The following CNTNAP2 variants were observed in gnomAD, a reference collection of about 807,000 sequenced individuals.
CNTNAP2 encodes the protein contactin associated protein 2, also known as contactin-associated protein-like 2.
In CNTNAP2, 98 loss-of-function variants were observed where a neutral mutation model predicts 155.2. That is an observed-to-expected ratio of 0.63 (90% CI 0.54 to 0.75). The LOEUF (loss-of-function observed/expected upper bound fraction) is 0.75, where lower values mean the gene tolerates loss of function less well. Ranked by LOEUF, CNTNAP2 falls within the 30% of genes least tolerant of loss-of-function variation. The pLI, the probability that CNTNAP2 is intolerant of heterozygous loss-of-function variation, is 0.00. For synonymous variants in CNTNAP2, 651 were observed against 631.2 expected, an observed-to-expected ratio of 1.03 and a Z score of -0.47; for missense variants, 1,727 against 1,688.1, an observed-to-expected ratio of 1.02 and a Z score of -0.40.
chr7:146,997,870 T>C (rs1343100234), intron 3 of CNTNAP2, among the ~76,000 whole-genome samples: 1 of 152,118 alleles, frequency 6.6e-6, no homozygotes, highest in East Asian at 1.9e-4. Context: ...TACTATTTTG[T>C]ATACCTATGG....
At chr7:147,452,798 G>A (rs1563209483) in intron 10 of CNTNAP2, among the ~76,000 whole-genome samples, 4 of 152,086 alleles carry the variant, frequency 2.6e-5, no homozygotes, top group African/African-American at 7.2e-5. Context: ...TGCAAGAAAT[G>A]TTACAGAATG....
At position 147,525,479 on chromosome 7, in the gene CNTNAP2, C is replaced by T. The variant is rs534347901; in HGVS notation, c.1778-36659C>T. On this transcript the variant is annotated intron_variant, in intron 11 of 23. Transcript: ENST00000361727. ...CATATTCTAAGTGGATAAAATGTCA[C>T]ATGTGAAAGAAGTGAGATACCAGAT... is the stretch of plus-strand genomic sequence containing the variant. Among the ~76,000 whole-genome samples the T allele has an allele frequency of 7.2e-5, 11 of 152,266 alleles. No individual in the cohort carries two copies. In the East Asian group the frequency reaches 1.5e-3, roughly 21 times the overall value.
intron 1 of CNTNAP2, among the ~76,000 whole-genome samples, chr7:146,322,102 A>T (rs1010723982): frequency 2.6e-5 from 4 of 152,128 alleles, no homozygotes; most frequent in Admixed American, 6.6e-5. Context: ...GGACAAAGGG[A>T]TCTGGAGTGG....
intron 22 of CNTNAP2, among the ~76,000 whole-genome samples, chr7:148,391,129 T>C (rs1486592614): frequency 6.6e-6 from 1 of 152,178 alleles, no homozygotes; most frequent in African/African-American, 2.4e-5. Flanking sequence ...TACCTTATAA[T>C]AAAGAGAGAA....
intron 3 of CNTNAP2, among the ~76,000 whole-genome samples, chr7:147,035,713 A>G (rs553791913): frequency 6.6e-6 from 1 of 152,298 alleles, no homozygotes; most frequent in East Asian, 1.9e-4. Context: ...AAACCTTTAC[A>G]TGAAGATACA....
intron 8 of CNTNAP2, among the ~76,000 whole-genome samples, chr7:147,295,729 C>T (rs963578824): frequency 2.6e-5 from 4 of 152,114 alleles, no homozygotes; most frequent in African/African-American, 9.7e-5. Flanking sequence ...TTCCTTGCCA[C>T]ATTTAAGAAT....
Position 147,364,723 on chromosome 7 carries a change from C to G in CNTNAP2, c.1499-30886C>G, listed in dbSNP as rs148396913. ...AATTAGCCGGGAATGGTGGCGGGCA[C>G]CTGTAGTCCCAGCTACTCGGGAGGC... On this transcript the variant is annotated intron_variant, in intron 9 of 23. Coordinates refer to ENST00000361727, the MANE Select transcript of CNTNAP2 (RefSeq NM_014141.6). Among the ~76,000 whole-genome samples the G allele has an allele frequency of 7.5e-4, 114 of 152,200 alleles. 3 individuals carry two copies. Among genetic ancestry groups the G allele is most frequent in the African/African-American group, 2.7e-3 (111 of 41,516 alleles).
At chr7:147,274,613 T>C (rs67010446) in intron 8 of CNTNAP2, among the ~76,000 whole-genome samples, 5,213 of 152,262 alleles carry the variant, frequency 0.034, 121 homozygotes, top group Non-Finnish European at 0.052. Context: ...TTTTCTTCCA[T>C]TCTGTAGGTT....
intron 3 of CNTNAP2, among the ~76,000 whole-genome samples, chr7:146,902,429 A>T (rs1796023171): frequency 6.6e-6 from 1 of 152,236 alleles, no homozygotes; most frequent in Non-Finnish European, 1.5e-5. Flanking sequence ...CTTATATGAC[A>T]CTTGGGACAA....
chr7:148,027,866 T>C (rs2116926481), intron 15 of CNTNAP2, among the ~76,000 whole-genome samples: 1 of 152,286 alleles, frequency 6.6e-6, no homozygotes, highest in Admixed American at 6.5e-5. Context: ...CTTGGGCCTC[T>C]CAATTTCTGA....
rs146991831 is a variant in CNTNAP2 at position 148,104,704 on chromosome 7, G to A, written c.2384-13414G>A. ...TAAAGACAGAAGTGACGTTCACAGG[G>A]CTGGCAGTTCTCAGAACCATTGTCA... On this transcript the variant is annotated intron_variant, in intron 15 of 23. Coordinates refer to ENST00000361727, the MANE Select transcript of CNTNAP2 (RefSeq NM_014141.6). Among the ~76,000 whole-genome samples, 5 of 152,318 alleles carry A rather than the reference G, an allele frequency of 3.3e-5. No individual in the cohort carries two copies. The East Asian group carries it at 9.7e-4, about 29-fold the overall frequency.
chr7:146,817,299 C>T (rs1803191068), intron 2 of CNTNAP2, among the ~76,000 whole-genome samples: 1 of 151,914 alleles, frequency 6.6e-6, no homozygotes, highest in Non-Finnish European at 1.5e-5. Flanking sequence ...TGGAGAAACC[C>T]TGCTTCTACT....
chr7:147,759,354 T>C (rs1415467299), intron 13 of CNTNAP2, among the ~76,000 whole-genome samples: 1 of 152,216 alleles, frequency 6.6e-6, no homozygotes, highest in Admixed American at 6.5e-5. Flanking sequence ...AGAGAAACTT[T>C]AGACATTCTG....
Position 148,420,058 on chromosome 7 carries a change from G to C in CNTNAP2, c.*4442G>C, listed in dbSNP as rs1800080040. 1 of 152,204 alleles carries C rather than the reference G, an allele frequency of 6.6e-6. No homozygotes were observed. Among genetic ancestry groups the C allele is most frequent in the Admixed American group, 6.5e-5 (1 of 15,290 alleles). The allele number at this position is 152,204 out of a possible 1,614,324, so 9.4% of individuals were successfully genotyped here. ...AAAAGACAAATGTGGCCACGTTCAGGAATTGGAGACTTACTGGCATGGCTC... is the reference window on the plus strand; with the variant it reads ...AAAAGACAAATGTGGCCACGTTCAGCAATTGGAGACTTACTGGCATGGCTC... On this transcript the variant is annotated 3_prime_UTR_variant, in exon 24 of 24. Coordinates refer to ENST00000361727, the MANE Select transcript of CNTNAP2 (RefSeq NM_014141.6).
At chr7:146,136,857 C>T (rs886998303) in intron 1 of CNTNAP2, among the ~76,000 whole-genome samples, 1 of 152,114 alleles carries the variant, frequency 6.6e-6, no homozygotes, top group Non-Finnish European at 1.5e-5. Context: ...GGGCCTGCTT[C>T]GAAGTGTCAA....
chr7:148,049,117 A>T (rs949559370), intron 15 of CNTNAP2, among the ~76,000 whole-genome samples: 2 of 152,170 alleles, frequency 1.3e-5, no homozygotes, highest in African/African-American at 4.8e-5. Flanking sequence ...CGGGATCCTG[A>T]GGCAGAAGAA....
chr7:148,324,794 CAA>C (rs72157861), intron 21 of CNTNAP2, among the ~76,000 whole-genome samples: 2 of 105,816 alleles, frequency 1.9e-5, no homozygotes. Flanking sequence ...GACTCCATCT[CAA>C]AAAAAAAAAA....
intron 13 of CNTNAP2, among the ~76,000 whole-genome samples, chr7:147,772,447 T>C (rs1196437416): frequency 1.8e-4 from 1 of 5,596 alleles, no homozygotes; most frequent in Non-Finnish European, 3.3e-4. Context: ...TCTCTCTCGC[T>C]ATATATATAT....
At chr7:146,496,872 A>G (rs10952645) in intron 1 of CNTNAP2, among the ~76,000 whole-genome samples, 64,721 of 152,082 alleles carry the variant, frequency 0.43, 15,116 homozygotes, top group African/African-American at 0.63. Flanking sequence ...TAAATCATCC[A>G]ACTGCAGAGC....
Sources: allele counts gnomAD v4.1 joint callset (sites outside exome capture counted in the v4.1 genomes callset), GRCh38; gene constraint gnomAD v4.1.1; transcripts MANE v1.5; gene names NCBI Gene and HGNC (gene_info 2026-07-23, HGNC 2026-07-21).